LSM12: variants seen among roughly 807,000 people sequenced by gnomAD.
The protein encoded by LSM12 is LSM12 homolog, also known as protein LSM12.
For missense variants in LSM12, 108 were observed against 238.9 expected, an observed-to-expected ratio of 0.45 and a Z score of 3.61; for synonymous variants, 74 against 87.3, an observed-to-expected ratio of 0.85 and a Z score of 0.85.
chr17:44,061,533 CA>C (rs1266300721), intron 2 of LSM12, among the ~76,000 whole-genome samples: 1 of 152,166 alleles, frequency 6.6e-6, no homozygotes, highest in Admixed American at 6.5e-5. Context: ...CCCTGGCCAT[CA>C]CTAAAAAATG....
At chr17:44,039,228 A>G (rs1440409494) in intron 3 of LSM12, among the ~76,000 whole-genome samples, 1 of 151,208 alleles carries the variant, frequency 6.6e-6, no homozygotes, top group Non-Finnish European at 1.5e-5. Context: ...CTAATTTTGT[A>G]TTTTTAGTAG....
chr17:44,041,230 T>C (rs1308631732), intron 2 of LSM12, among the ~76,000 whole-genome samples: 1 of 146,136 alleles, frequency 6.8e-6, no homozygotes, highest in Non-Finnish European at 1.5e-5. Flanking sequence ...GAGATCATGC[T>C]ACTGTACTCC....
At chr17:44,057,792 T>C (rs1297553568) in intron 2 of LSM12, among the ~76,000 whole-genome samples, 1 of 151,368 alleles carries the variant, frequency 6.6e-6, no homozygotes, top group African/African-American at 2.4e-5. Flanking sequence ...ATAATAATAA[T>C]ACATAAAGTC....
intron 2 of LSM12, among the ~76,000 whole-genome samples, chr17:44,046,965 C>T (rs953118171): frequency 2.6e-5 from 4 of 151,248 alleles, no homozygotes; most frequent in African/African-American, 4.9e-5. Context: ...CTCCTGACCT[C>T]GTGATCCACC....
In LSM12 at chr17:44,066,655, C is replaced by T; in HGVS notation, c.-68G>A. 1 of 1,268,030 alleles carries T rather than the reference C, an allele frequency of 7.9e-7. No homozygotes were observed. The highest frequency in any genetic ancestry group is 4.3e-5 in the Admixed American group (1 of 23,108). The allele number at this position is 1,268,030 out of a possible 1,614,324, so 78.5% of individuals were successfully genotyped here. A position where few individuals can be genotyped will look rare whatever the true frequency, so the allele number is the denominator to read the frequency against. Reference sequence around the variant, plus strand: ...GGGCGAAAGCCGGGCCCCCAGTGAGCGCCGCGACGCGACGGCGCGCACGGA... The same window carrying T: ...GGGCGAAAGCCGGGCCCCCAGTGAGTGCCGCGACGCGACGGCGCGCACGGA... On this transcript the variant is annotated 5_prime_UTR_variant, in exon 1 of 5. Transcript: ENST00000293406.
At chr17:44,041,358 C>T (rs1338154120) in intron 2 of LSM12, among the ~76,000 whole-genome samples, 2 of 137,590 alleles carry the variant, frequency 1.5e-5, no homozygotes, top group Non-Finnish European at 3.2e-5. Context: ...CACAGAATTT[C>T]CATTCAAGGC....
Position 44,034,393 on chromosome 17 carries a change from C to T in LSM12, c.*1815G>A, listed in dbSNP as rs2049394475. Among the ~76,000 whole-genome samples the T allele has an allele frequency of 6.6e-6, 1 of 152,128 alleles. No individual in the cohort carries two copies. The highest frequency in any genetic ancestry group is 1.5e-5 in the Non-Finnish European group (1 of 68,024). On this transcript the variant is annotated 3_prime_UTR_variant, in exon 5 of 5. Transcript: ENST00000293406. ...TTTGTGCCTCCAAACAGTCCTGTAA[C>T]AAATGGTTCTATGTATGTGACTACA...
chr17:44,060,620 C>T (rs1363593319), intron 2 of LSM12, among the ~76,000 whole-genome samples: 1 of 152,190 alleles, frequency 6.6e-6, no homozygotes, highest in Non-Finnish European at 1.5e-5. Context: ...CAAGATTTGG[C>T]AAGCAGGCCA....
chr17:44,044,155 A>C (rs1435669263), intron 2 of LSM12, among the ~76,000 whole-genome samples: 1 of 152,166 alleles, frequency 6.6e-6, no homozygotes, highest in Admixed American at 6.5e-5. Context: ...ATCTATGCAG[A>C]ATGTTTAAGA....
intron 2 of LSM12, among the ~76,000 whole-genome samples, chr17:44,055,507 C>CAAAAAAAAA (rs893366294): frequency 1.1e-4 from 7 of 64,952 alleles, no homozygotes; most frequent in East Asian, 2.7e-4. Context: ...ACCAAAAATA[C>CAAAAAAAAA]AAAAAAAAAA....
At chr17:44,047,935 G>A (rs760953425) in intron 2 of LSM12, among the ~76,000 whole-genome samples, 2 of 150,834 alleles carry the variant, frequency 1.3e-5, no homozygotes, top group African/African-American at 4.9e-5. Context: ...TGTAATCCTA[G>A]CACTTTGGGA....
chr17:44,042,603 C>CCCAGGCTGACAGA (rs1555623794), intron 2 of LSM12, among the ~76,000 whole-genome samples: 1 of 143,850 alleles, frequency 7.0e-6, no homozygotes, highest in Non-Finnish European at 1.5e-5. Context: ...CTCGCTCTGT[C>CCCAGGCTGACAGA]GCCCAGGCTG....
upstream of LSM12, among the ~76,000 whole-genome samples, chr17:44,067,096 TC>T (rs1403511039): frequency 1.3e-5 from 2 of 152,132 alleles, no homozygotes; most frequent in Middle Eastern, 3.2e-3. Flanking sequence ...GGTCAGGGGT[TC>T]GAGACCAGCC....
rs1270203303 is a variant in LSM12 at position 44,056,051 on chromosome 17, T to A, written c.258+7750A>T. ...GGGAAGCCGAGGTGGGTGGATCACC[T>A]GAGGTCGGGAGTTCAAGACCAGCCT... is the stretch of plus-strand genomic sequence containing the variant. On this transcript the variant is annotated intron_variant, in intron 2 of 4. Coordinates refer to ENST00000293406, the MANE Select transcript of LSM12 (RefSeq NM_001371445.1). Among the ~76,000 whole-genome samples, 5 of 151,454 alleles carry A rather than the reference T, an allele frequency of 3.3e-5. No homozygotes were observed. In the East Asian group the frequency reaches 7.8e-4, roughly 24 times the overall value.
chr17:44,057,759 A>C (rs566337136), intron 2 of LSM12, among the ~76,000 whole-genome samples: 41 of 147,832 alleles, frequency 2.8e-4, no homozygotes, highest in African/African-American at 8.9e-4. Flanking sequence ...ACTCTGTCTC[A>C]AAAAAAAAAC....
At position 44,036,431 on chromosome 17, in the gene LSM12, G is replaced by A. The variant is rs138200886; in HGVS notation, c.496-131C>T. On this transcript the variant is annotated intron_variant, in intron 4 of 4. Transcript: ENST00000293406. ...TTGGTGTCCAGGCACCTTTGCCCTT[G>A]CTGTCTATTGGCCTTCCCAACCACA... The A allele has an allele frequency of 2.9e-3, 3,549 of 1,218,042 alleles. 12 individuals carry two copies. Among genetic ancestry groups the A allele is most frequent in the Non-Finnish European group, 3.8e-3 (3,214 of 855,848 alleles). The allele number at this position is 1,218,042 out of a possible 1,614,324, so 75.5% of individuals were successfully genotyped here. A position where few individuals can be genotyped will look rare whatever the true frequency, so the allele number is the denominator to read the frequency against.
intron 2 of LSM12, among the ~76,000 whole-genome samples, chr17:44,061,959 C>CG (rs1330964580): frequency 3.9e-5 from 6 of 152,264 alleles, no homozygotes; most frequent in African/African-American, 1.4e-4. Context: ...CGGTGGCTCA[C>CG]GCCTGTAATC....
chr17:44,051,357 C>G (rs532091380), intron 2 of LSM12, among the ~76,000 whole-genome samples: 2 of 138,308 alleles, frequency 1.4e-5, no homozygotes, highest in Non-Finnish European at 3.0e-5. Flanking sequence ...TGCCACTGCT[C>G]TTTAGCCTGG....
rs907138110 is a variant in LSM12 at position 44,066,645 on chromosome 17, C to G, written c.-58G>C. ...CGGCAGCAGCGGGCGAAAGCCGGGC[C>G]CCCAGTGAGCGCCGCGACGCGACGG... On this transcript the variant is annotated 5_prime_UTR_variant, in exon 1 of 5. Coordinates refer to ENST00000293406, the MANE Select transcript of LSM12 (RefSeq NM_001371445.1). 1.6e-6 allele frequency: 2 copies of G among 1,282,370 alleles called. No homozygotes were observed. Among genetic ancestry groups the G allele is most frequent in the Non-Finnish European group, 2.0e-6 (2 of 1,011,430 alleles). The allele number at this position is 1,282,370 out of a possible 1,614,324, so 79.4% of individuals were successfully genotyped here.
Sources: allele counts gnomAD v4.1 joint callset (sites outside exome capture counted in the v4.1 genomes callset), GRCh38; gene constraint gnomAD v4.1.1; transcripts MANE v1.5; gene names NCBI Gene and HGNC (gene_info 2026-07-23, HGNC 2026-07-21).